Variants in KALRN observed in about 807,000 individuals in gnomAD.
The protein encoded by KALRN is kalirin RhoGEF kinase, also known as kalirin.
Under a neutral mutation model 353.7 loss-of-function variants are expected in KALRN, and 70 were observed. That is an observed-to-expected ratio of 0.20 (90% confidence interval 0.16 to 0.24). The LOEUF (loss-of-function observed/expected upper bound fraction) is 0.24, where lower values mean the gene tolerates loss of function less well. Among genes scored for constraint, KALRN ranks in the 10% least tolerant of loss-of-function variants. The pLI, the probability that KALRN is intolerant of heterozygous loss-of-function variation, is 1.00. For missense variants in KALRN, 2,791 were observed against 3,756.7 expected (o/e 0.74, Z 6.72); for synonymous variants, 1,391 against 1,434.8 (o/e 0.97, Z 0.69).
At chr3:124,644,360 A>G (rs1015485060) in intron 37 of KALRN, among the ~76,000 whole-genome samples, 7 of 151,920 alleles carry the variant, frequency 4.6e-5, no homozygotes, top group Non-Finnish European at 1.0e-4. Flanking sequence ...AAGTTCCAGG[A>G]TACATGTGCA....
chr3:124,316,887 T>A (rs1016747020), intron 6 of KALRN, among the ~76,000 whole-genome samples: 1 of 152,254 alleles, frequency 6.6e-6, no homozygotes, highest in Admixed American at 6.5e-5. Flanking sequence ...TATTTAAGAC[T>A]CCAGCTATAA....
At chr3:124,436,338 A>AC (rs141251408) in intron 17 of KALRN, among the ~76,000 whole-genome samples, 7,940 of 152,280 alleles carry the variant, frequency 0.052, 696 homozygotes, top group African/African-American at 0.18. Context: ...ATTTCTTCTA[A>AC]TCCCAAATTG....
intron 1 of KALRN, among the ~76,000 whole-genome samples, chr3:124,140,258 G>T (rs1342497798): frequency 6.6e-6 from 1 of 152,156 alleles, no homozygotes; most frequent in Non-Finnish European, 1.5e-5. Context: ...ACATACTCTT[G>T]TACTTACGGC....
intron 33 of KALRN, among the ~76,000 whole-genome samples, chr3:124,545,533 C>T (rs2069530602): frequency 6.6e-6 from 1 of 152,188 alleles, no homozygotes. Context: ...GGGAAGCTCA[C>T]ACAGGGACAT....
chr3:124,091,714 A>T (rs935444815), intron 1 of KALRN, among the ~76,000 whole-genome samples: 1 of 152,150 alleles, frequency 6.6e-6, no homozygotes, highest in African/African-American at 2.4e-5. Flanking sequence ...CTCTGTAGCC[A>T]GCTGGGTGGG....
chr3:124,499,093 C>T (rs2064210931), intron 33 of KALRN, among the ~76,000 whole-genome samples: 1 of 152,120 alleles, frequency 6.6e-6, no homozygotes, highest in South Asian at 2.1e-4. Context: ...AAAAATGCCC[C>T]AGTCTTCCTC....
intron 14 of KALRN, among the ~76,000 whole-genome samples, chr3:124,422,095 T>G (rs2092808626): frequency 6.6e-6 from 1 of 152,172 alleles, no homozygotes; most frequent in Admixed American, 6.5e-5. Context: ...GGGCACAACT[T>G]TAACGTGAAG....
intron 10 of KALRN, among the ~76,000 whole-genome samples, chr3:124,372,529 G>GT (rs1433660241): frequency 6.6e-6 from 1 of 151,674 alleles, no homozygotes; most frequent in Non-Finnish European, 1.5e-5. Flanking sequence ...TCAGTAGTAA[G>GT]TTTTTTTGGT....
At chr3:124,270,832 T>TG (rs1402540106) in intron 5 of KALRN, among the ~76,000 whole-genome samples, 2 of 147,324 alleles carry the variant, frequency 1.4e-5, no homozygotes, top group Non-Finnish European at 3.0e-5. Flanking sequence ...TTGTTTTTTT[T>TG]TTTTTTTTTT....
chr3:124,680,595 A>T (rs1399743257), intron 51 of KALRN, among the ~76,000 whole-genome samples: 1 of 152,216 alleles, frequency 6.6e-6, no homozygotes, highest in African/African-American at 2.4e-5. Context: ...TTCTTATTCT[A>T]ATTTGACCTA....
At chr3:124,040,621 G>A (rs1384054942) in intron 1 of KALRN, among the ~76,000 whole-genome samples, 1 of 152,226 alleles carries the variant, frequency 6.6e-6, no homozygotes, top group Non-Finnish European at 1.5e-5. Context: ...GGATGGAATA[G>A]GTTCAGCACT....
intron 34 of KALRN, among the ~76,000 whole-genome samples, chr3:124,631,156 G>A (rs1374999385): frequency 6.6e-6 from 1 of 152,108 alleles, no homozygotes; most frequent in Non-Finnish European, 1.5e-5. Context: ...CTACCTCACT[G>A]GCTACTTTCT....
At chr3:124,357,894 T>C (rs934045288) in intron 10 of KALRN, among the ~76,000 whole-genome samples, 27 of 152,338 alleles carry the variant, frequency 1.8e-4, no homozygotes, top group Middle Eastern at 3.4e-3. Context: ...ATGAGTGCTA[T>C]GGAACGAATG....
intron 33 of KALRN, among the ~76,000 whole-genome samples, chr3:124,545,427 G>C (rs1166569691): frequency 1.3e-5 from 2 of 152,166 alleles, no homozygotes; most frequent in South Asian, 2.1e-4. Context: ...AAGGGTCCCT[G>C]ATGTGTAGGG....
chr3:124,327,220 T>TA (rs2080010377), intron 7 of KALRN, among the ~76,000 whole-genome samples: 2 of 152,252 alleles, frequency 1.3e-5, no homozygotes, highest in African/African-American at 4.8e-5. Context: ...GTATAGCTGT[T>TA]ACGTTGTAAA....
chr3:124,203,646 A>T (rs2076148141), intron 1 of KALRN, among the ~76,000 whole-genome samples: 1 of 152,214 alleles, frequency 6.6e-6, no homozygotes, highest in African/African-American at 2.4e-5. Flanking sequence ...TAGGGCAATA[A>T]CTAACACTGA....
intron 1 of KALRN, among the ~76,000 whole-genome samples, chr3:124,124,695 G>A (rs567254699): frequency 2.6e-5 from 4 of 152,322 alleles, no homozygotes; most frequent in Admixed American, 1.3e-4. Flanking sequence ...CCACTATCCT[G>A]ATTTCTGGCA....
rs1487320934 is a variant in KALRN, at chr3:124,722,437, G to A, written c.*2967G>A. The A allele has an allele frequency of 1.3e-5, 2 of 152,110 alleles. No homozygotes were observed. The highest frequency in any genetic ancestry group is 4.8e-5 in the African/African-American group (2 of 41,416). The allele number at this position is 152,110 out of a possible 1,614,324, so 9.4% of individuals were successfully genotyped here. ...TTAGACTAGAATGAACTTAATAGAG[G>A]CCCCAAGAGAAAGGGGGTATATTTT... is the stretch of plus-strand genomic sequence containing the variant. On this transcript the variant is annotated 3_prime_UTR_variant, in exon 60 of 60. Coordinates refer to ENST00000682506, the MANE Select transcript of KALRN (RefSeq NM_001388419.1).
chr3:124,168,793 A>T (rs1258401708), intron 1 of KALRN, among the ~76,000 whole-genome samples: 1 of 152,230 alleles, frequency 6.6e-6, no homozygotes, highest in Non-Finnish European at 1.5e-5. Flanking sequence ...ATTAGATCTC[A>T]ATCGGCCTCT....
Sources: allele counts gnomAD v4.1 joint callset (sites outside exome capture counted in the v4.1 genomes callset), GRCh38; gene constraint gnomAD v4.1.1; transcripts MANE v1.5; gene names NCBI Gene and HGNC (gene_info 2026-07-23, HGNC 2026-07-21).